CYP2R1: variants seen among roughly 807,000 people sequenced by gnomAD.
CYP2R1 encodes the protein vitamin D 25-hydroxylase.
CYP2R1 carries 40 observed loss-of-function variants against 45.7 expected under a neutral mutation model. That is an observed-to-expected ratio of 0.87 (90% CI 0.68 to 1.14). The LOEUF (loss-of-function observed/expected upper bound fraction) is 1.14. Ranked by LOEUF, CYP2R1 falls within the 50% of genes most tolerant of loss-of-function variation. CYP2R1 has a pLI of 0.00. For missense variants in CYP2R1, 605 were observed against 602.6 expected (o/e 1.00, Z -0.04); for synonymous variants, 234 against 219.3 (o/e 1.07, Z -0.59).
intron 1 of CYP2R1, among the ~76,000 whole-genome samples, chr11:14,889,261 T>C (rs1357521125): frequency 2.0e-5 from 3 of 152,116 alleles, no homozygotes; most frequent in Non-Finnish European, 4.4e-5. Context: ...TCCAGAACTT[T>C]TTGGAAGCAC....
intron 2 of CYP2R1, among the ~76,000 whole-genome samples, chr11:14,884,163 C>T (rs569917448): frequency 2.6e-5 from 4 of 151,866 alleles, no homozygotes; most frequent in South Asian, 4.2e-4. Context: ...CCATTTGACC[C>T]TGCCATCCCA....
At position 14,878,010 on chromosome 11, in the gene CYP2R1, T is replaced by C. The variant is rs977081819; in HGVS notation, c.*112A>G. 10 of 1,116,804 alleles carry C rather than the reference T, an allele frequency of 9.0e-6. No homozygotes were observed. The African/African-American group carries it at 1.6e-4, about 17-fold the overall frequency. 69.2% of individuals were successfully genotyped at this position (1,116,804 alleles called of 1,614,324 possible). Reference sequence around the variant, plus strand: ...TATTTTAAGACACATCTGTGTTCATTTGGCTTTTTGATGCTGTGACTTTTA... The same window carrying C: ...TATTTTAAGACACATCTGTGTTCATCTGGCTTTTTGATGCTGTGACTTTTA... On this transcript the variant is annotated 3_prime_UTR_variant, in exon 5 of 5. Transcript: ENST00000334636.
At chr11:14,887,499 C>T in intron 1 of CYP2R1, 1 of 764,860 alleles carries the variant, frequency 1.3e-6, no homozygotes, top group Non-Finnish European at 1.6e-6. Context: ...CCTTAAACTG[C>T]TTTGATCTAT....
At chr11:14,891,629 TG>T (rs1167216785) in intron 1 of CYP2R1, 1 of 1,094,182 alleles carries the variant, frequency 9.1e-7, no homozygotes, top group Non-Finnish European at 1.1e-6. Context: ...CGCCCGCACC[TG>T]AGGGCATGCG....
chr11:14,891,744 G>A, intron 1 of CYP2R1: 1 of 1,349,156 alleles, frequency 7.4e-7, no homozygotes, highest in Non-Finnish European at 9.5e-7. Context: ...GGATCGCCTC[G>A]GAGCCTCGGC....
chr11:14,880,112 T>G (rs782135738), intron 3 of CYP2R1, 24 bp downstream of exon 3: 53 of 1,611,248 alleles, frequency 3.3e-5, no homozygotes, highest in Non-Finnish European at 4.2e-5. Context: ...GGATAGACCC[T>G]GAGATCATCA....
intron 1 of CYP2R1, 154 bp downstream of exon 1, chr11:14,891,827 G>T: frequency 1.0e-6 from 1 of 968,488 alleles, no homozygotes; most frequent in African/African-American, 1.8e-5. Flanking sequence ...CTCCCTTCCA[G>T]ACCCGGGAAG....
intron 1 of CYP2R1, 152 bp from the exon 2 acceptor site, chr11:14,886,069 T>G: frequency 1.4e-6 from 1 of 735,158 alleles, no homozygotes; most frequent in South Asian, 1.6e-5. Flanking sequence ...ATGTTCAGAG[T>G]GCCCTCCTTC....
chr11:14,891,944 G>C (rs782468356), intron 1 of CYP2R1, 37 bp downstream of exon 1: 7 of 1,603,676 alleles, frequency 4.4e-6, no homozygotes, highest in Non-Finnish European at 5.1e-6. Context: ...GGGCCAGCCT[G>C]GCGGCCCTCC....
intron 2 of CYP2R1, among the ~76,000 whole-genome samples, chr11:14,883,762 A>G (rs1441258871): frequency 6.6e-6 from 1 of 152,088 alleles, no homozygotes; most frequent in Non-Finnish European, 1.5e-5. Flanking sequence ...ACAAAATGGG[A>G]GAAAATTTTT....
chr11:14,891,876 C>T, intron 1 of CYP2R1, 105 bp downstream of exon 1: 3 of 1,445,364 alleles, frequency 2.1e-6, no homozygotes, highest in African/African-American at 1.4e-5. Context: ...ACGGAGAGGT[C>T]CCGACTAGTC....
At chr11:14,881,652 T>C (rs1848391903) in intron 2 of CYP2R1, among the ~76,000 whole-genome samples, 1 of 152,064 alleles carries the variant, frequency 6.6e-6, no homozygotes, top group African/African-American at 2.4e-5. Flanking sequence ...GAGTTCTCGC[T>C]CAGTTAATGT....
intron 1 of CYP2R1, chr11:14,890,484 T>C: frequency 2.1e-6 from 2 of 968,848 alleles, no homozygotes; most frequent in Non-Finnish European, 2.4e-6. Flanking sequence ...TCGTGAACCA[T>C]GAAAGGAACG....
At position 14,880,623 on chromosome 11, in the gene CYP2R1, T is replaced by C. The variant is rs1329741023; in HGVS notation, c.513A>G (p.Thr171=). ...ETKFFNDAIE[T]YKGRPFDFKQ... is the part of the protein sequence containing the mutation. ...TAAAGTCAAAAGGTCTACCTTTGTA[T>C]GTTTCAATAGCATCATTGAAAAATT... Residue 171 remains threonine (T), a synonymous_variant, in exon 3 of 5, where the codon ACA becomes ACG. Coordinates refer to ENST00000334636, the MANE Select transcript of CYP2R1 (RefSeq NM_024514.5). 9 of 1,608,466 alleles carry C rather than the reference T, an allele frequency of 5.6e-6. No homozygotes were observed. In the East Asian group the frequency reaches 1.3e-4, roughly 24 times the overall value.
At chr11:14,887,112 G>A (rs1848650603) in intron 1 of CYP2R1, 1 of 152,262 alleles carries the variant, frequency 6.6e-6, no homozygotes, top group South Asian at 2.1e-4. Context: ...ATGCAGTAAT[G>A]TAGTCCTATT....
chr11:14,891,799 G>A, intron 1 of CYP2R1, 182 bp downstream of exon 1: 1 of 1,411,258 alleles, frequency 7.1e-7, no homozygotes, highest in Non-Finnish European at 9.2e-7. Context: ...CTGCAAGGGG[G>A]CACGGCGTCG....
rs1219972408 is a variant in CYP2R1 at position 14,878,124 on chromosome 11, A to G, written c.1504T>C (p.Ter502ArgextTer21). ...QPYLICAERR[*>R] ...TCCCGAAAACATCCCAGGCAGTTTC[A>G]GCGTCTTTCAGCACAGATGAGGTAG... Residue 502 changes from the stop codon to arginine, a stop_lost, in exon 5 of 5, where the codon TGA (stop) becomes CGA (arginine). Transcript: ENST00000334636. The G allele has an allele frequency of 1.9e-6, 3 of 1,612,954 alleles. No homozygotes were observed. Among genetic ancestry groups the G allele is most frequent in the East Asian group, 2.2e-5 (1 of 44,868 alleles).
At chr11:14,892,403 C>T (rs1467823976), upstream of CYP2R1, among the ~76,000 whole-genome samples, 2 of 152,180 alleles carry the variant, frequency 1.3e-5, no homozygotes, top group Non-Finnish European at 2.9e-5. Context: ...CTTTGCGGAG[C>T]GGGTGGCCGG....
In CYP2R1 at chr11:14,880,862, CCTT is replaced by C. The variant is rs1848356696; in HGVS notation, c.368-97_368-95del. 3 of 1,220,094 alleles carry C rather than the reference CCTT, an allele frequency of 2.5e-6. No homozygotes were observed. The East Asian group carries it at 7.6e-5, about 31-fold the overall frequency. The allele number at this position is 1,220,094 out of a possible 1,614,324, so 75.6% of individuals were successfully genotyped here. A position where few individuals can be genotyped will look rare whatever the true frequency, so the allele number is the denominator to read the frequency against. On this transcript the variant is annotated intron_variant, in intron 2 of 4. Transcript: ENST00000334636. ...ATTTTTTTAATGGATGGTTAGTCAT[CCTT>C]CTCCAAATTGTCCTCCTATATAACT... is the stretch of plus-strand genomic sequence containing the variant.
Sources: gnomAD v4.1 joint callset for allele counts (sites outside exome capture counted in the v4.1 genomes callset) on GRCh38, gnomAD v4.1.1 for gene constraint, MANE v1.5 for transcripts, NCBI Gene and HGNC (gene_info 2026-07-23, HGNC 2026-07-21) for gene names.